CDC42SE2: variants seen among roughly 807,000 people sequenced by gnomAD.
The protein encoded by CDC42SE2 is CDC42 small effector 2.
In CDC42SE2, 3 loss-of-function variants were observed where a neutral mutation model predicts 11.5. The observed-to-expected ratio is 0.26, with a 90% CI of 0.12 to 0.67. The LOEUF (loss-of-function observed/expected upper bound fraction) is 0.67, where lower values mean the gene tolerates loss of function less well. Among genes scored for constraint, CDC42SE2 ranks in the 30% least tolerant of loss-of-function variants. CDC42SE2 has a pLI of 0.80. For synonymous variants in CDC42SE2, 33 were observed against 34.8 expected, an observed-to-expected ratio of 0.95 and a Z score of 0.18; for missense variants, 82 against 106.8, an observed-to-expected ratio of 0.77 and a Z score of 1.02.
At chr5:131,294,234 G>A (rs543412539) in intron 1 of CDC42SE2, among the ~76,000 whole-genome samples, 1 of 152,136 alleles carries the variant, frequency 6.6e-6, no homozygotes, top group South Asian at 2.1e-4. Context: ...TATCCAATCT[G>A]ATATACTCTG....
At chr5:131,212,156 G>A in the CDC42SE2 span, among the ~76,000 whole-genome samples, 3 of 151,936 alleles carry the variant, frequency 2.0e-5, no homozygotes, top group Non-Finnish European at 4.4e-5. Flanking sequence ...CACCCAGGCT[G>A]GAGTGCAGTG....
chr5:131,287,033 C>T (rs1208275322), intron 1 of CDC42SE2, among the ~76,000 whole-genome samples: 3 of 152,082 alleles, frequency 2.0e-5, no homozygotes, highest in Admixed American at 6.6e-5. Flanking sequence ...TTTGCTCTGT[C>T]GCCCAGGCTG....
intron 2 of CDC42SE2, among the ~76,000 whole-genome samples, chr5:131,331,921 G>A (rs1758426491): frequency 6.6e-6 from 1 of 152,004 alleles, no homozygotes; most frequent in Non-Finnish European, 1.5e-5. Flanking sequence ...TATTGTTCAC[G>A]ATTCTGACTG....
intron 1 of CDC42SE2, among the ~76,000 whole-genome samples, chr5:131,277,149 A>C (rs1293160032): frequency 6.6e-6 from 1 of 152,206 alleles, no homozygotes; most frequent in Non-Finnish European, 1.5e-5. Flanking sequence ...TTTATAGACT[A>C]GGTAGTTTTC....
At chr5:131,361,360 T>C (rs1749702438) in intron 3 of CDC42SE2, among the ~76,000 whole-genome samples, 1 of 152,150 alleles carries the variant, frequency 6.6e-6, no homozygotes, top group South Asian at 2.1e-4. Flanking sequence ...CTTGAGTTTC[T>C]CTCATACTGA....
intron 2 of CDC42SE2, among the ~76,000 whole-genome samples, chr5:131,317,300 G>C (rs1427197888): frequency 6.6e-6 from 1 of 152,114 alleles, no homozygotes; most frequent in African/African-American, 2.4e-5. Context: ...CTTTATGTTT[G>C]AGTATTGGCT....
chr5:131,259,021 C>T (rs187129752), upstream of CDC42SE2, among the ~76,000 whole-genome samples: 2 of 152,302 alleles, frequency 1.3e-5, no homozygotes, highest in Admixed American at 1.3e-4. Flanking sequence ...CTATCTTTGG[C>T]TGCTTCAGTC....
intron 2 of CDC42SE2, among the ~76,000 whole-genome samples, chr5:131,334,094 G>A (rs1758494158): frequency 6.6e-6 from 1 of 152,132 alleles, no homozygotes; most frequent in Non-Finnish European, 1.5e-5. Context: ...GATATTGGCT[G>A]TGGGTTTGTC....
chr5:131,268,812 C>G (rs1756929235), intron 1 of CDC42SE2, among the ~76,000 whole-genome samples: 2 of 130,010 alleles, frequency 1.5e-5, no homozygotes, highest in South Asian at 4.9e-4. Context: ...GTGCAGTGGT[C>G]CCATCTCGGC....
rs1166308374 is a variant in CDC42SE2, at chr5:131,357,563, G to T, written c.-285-1646G>T. 9.2e-5 allele frequency among the ~76,000 whole-genome samples: 14 copies of T among 152,238 alleles called. No homozygotes were observed. In the South Asian group the frequency reaches 2.7e-3, roughly 29 times the overall value. On this transcript the variant is annotated intron_variant, in intron 2 of 4. Transcript: ENST00000505065. ...TGTGGTTGTTACTGATCTATAGTTG[G>T]CAAAGCTTATAAATGTGTGAGGTCT...
chr5:131,357,617 A>G (rs1275462730), intron 2 of CDC42SE2, among the ~76,000 whole-genome samples: 1 of 152,230 alleles, frequency 6.6e-6, no homozygotes, highest in Non-Finnish European at 1.5e-5. Context: ...TAAGTGATTT[A>G]TATTTCGCCA....
chr5:131,338,777 A>T (rs1377436984), intron 2 of CDC42SE2, among the ~76,000 whole-genome samples: 1 of 152,232 alleles, frequency 6.6e-6, no homozygotes, highest in African/African-American at 2.4e-5. Context: ...GTTCTAAACC[A>T]GTACACCATA....
chr5:131,258,027 A>G lies in CDC42SE2; in HGVS notation n.242+2798A>G, dbSNP rs115637053. ...CTGGTGCTGAGTCTTAATTGCCAGCAGAGTCCACTCCCTCTTGTTATCTGC... is the reference window on the plus strand; with the variant it reads ...CTGGTGCTGAGTCTTAATTGCCAGCGGAGTCCACTCCCTCTTGTTATCTGC... On this transcript the variant is annotated intron_variant and non_coding_transcript_variant, in intron 2 of 3. Transcript: ENST00000502840. Among the ~76,000 whole-genome samples, 620 of 152,262 alleles carry G rather than the reference A, an allele frequency of 4.1e-3. 6 individuals are homozygous for G. Among genetic ancestry groups the G allele is most frequent in the African/African-American group, 0.014 (581 of 41,552 alleles).
chr5:131,247,989 A>T lies in CDC42SE2; in HGVS notation n.107+2390A>T, dbSNP rs116781595. ...TTGATAGCTATTCATAATTTTAAAA[A>T]TTATTTACAATTTTTTAAATAATTA... is the stretch of plus-strand genomic sequence containing the variant. On this transcript the variant is annotated intron_variant and non_coding_transcript_variant, in intron 1 of 3. Coordinates refer to the CDC42SE2 transcript ENST00000502840. Among the ~76,000 whole-genome samples, 748 of 152,042 alleles carry T rather than the reference A, an allele frequency of 4.9e-3. 4 individuals are homozygous for T. Among genetic ancestry groups the T allele is most frequent in the African/African-American group, 0.017 (686 of 41,502 alleles).
chr5:131,267,169 C>G (rs1308881144), intron 1 of CDC42SE2, among the ~76,000 whole-genome samples: 1 of 151,252 alleles, frequency 6.6e-6, no homozygotes, highest in Non-Finnish European at 1.5e-5. Flanking sequence ...ATTCTCCTGC[C>G]TCAGCCTCCC....
intron 1 of CDC42SE2, among the ~76,000 whole-genome samples, chr5:131,311,840 T>A (rs910246468): frequency 2.6e-5 from 4 of 152,178 alleles, no homozygotes; most frequent in Non-Finnish European, 4.4e-5. Flanking sequence ...AGTTATACAT[T>A]CTTCTAAATT....
At chr5:131,301,460 A>G (rs1444351626) in intron 1 of CDC42SE2, among the ~76,000 whole-genome samples, 1 of 152,168 alleles carries the variant, frequency 6.6e-6, no homozygotes, top group Admixed American at 6.5e-5. Context: ...TTATATTTCA[A>G]TTAAAAAATT....
chr5:131,349,438 A>G, intron 2 of CDC42SE2, among the ~76,000 whole-genome samples: 1 of 152,192 alleles, frequency 6.6e-6, no homozygotes, highest in East Asian at 1.9e-4. Context: ...ATGTATACAT[A>G]TGTAAGAAAC....
chr5:131,388,638 C>G (rs984466761), intron 4 of CDC42SE2, among the ~76,000 whole-genome samples: 49 of 152,078 alleles, frequency 3.2e-4, no homozygotes, highest in African/African-American at 1.1e-3. Context: ...TACAACCTTG[C>G]GTTAAAATAT....
Sources: allele counts gnomAD v4.1 joint callset (sites outside exome capture counted in the v4.1 genomes callset), GRCh38; gene constraint gnomAD v4.1.1; transcripts MANE v1.5; gene names NCBI Gene and HGNC (gene_info 2026-07-23, HGNC 2026-07-21).